PCDHA6: variants seen among roughly 807,000 people sequenced by gnomAD.
The protein encoded by PCDHA6 is protocadherin alpha 6, also known as protocadherin alpha-6.
PCDHA6 carries 55 observed loss-of-function variants against 60.3 expected under a neutral mutation model. The ratio of observed to expected loss-of-function variants is 0.91; its 90% confidence interval spans 0.73 to 1.14. The LOEUF (loss-of-function observed/expected upper bound fraction) is 1.14. PCDHA6 is among the 50% of genes most tolerant of loss of function. The pLI is 0.00. For missense variants in PCDHA6, 1,327 were observed against 1,256.5 expected, an observed-to-expected ratio of 1.06 and a Z score of -0.85; for synonymous variants, 652 against 557.9, an observed-to-expected ratio of 1.17 and a Z score of -2.38.
chr5:140,954,271 A>G (rs1284942355), intron 1 of PCDHA6, among the ~76,000 whole-genome samples: 2 of 152,140 alleles, frequency 1.3e-5, no homozygotes, highest in South Asian at 2.1e-4. Context: ...TTATAATAGG[A>G]TGATTTATAT....
chr5:140,857,428 G>T (rs782142394), intron 1 of PCDHA6: 3 of 1,598,342 alleles, frequency 1.9e-6, no homozygotes, highest in Non-Finnish European at 2.6e-6. Context: ...CCGAGTACAC[G>T]GTGTTCGTGA....
At chr5:140,967,109 C>T in intron 1 of PCDHA6, 1 of 1,612,966 alleles carries the variant, frequency 6.2e-7, no homozygotes, top group Non-Finnish European at 8.5e-7. Flanking sequence ...TGAGCAGCGG[C>T]CTCGCTGCCT....
At chr5:140,876,607 T>A in intron 1 of PCDHA6, 1 of 1,614,186 alleles carries the variant, frequency 6.2e-7, no homozygotes, top group Non-Finnish European at 8.5e-7. Context: ...GGATCGTGAC[T>A]CTGGAGCCAA....
At chr5:140,870,830 T>C in intron 1 of PCDHA6, 1 of 1,613,762 alleles carries the variant, frequency 6.2e-7, no homozygotes. Context: ...GGAGGCGCAG[T>C]TAACAAGCTA....
intron 1 of PCDHA6, among the ~76,000 whole-genome samples, chr5:140,893,419 G>A (rs2063984571): frequency 6.6e-6 from 1 of 152,158 alleles, no homozygotes; most frequent in African/African-American, 2.4e-5. Context: ...TAGGGAGGCA[G>A]AGGCAGGAAG....
chr5:140,891,040 C>A (rs2062916193), intron 1 of PCDHA6, among the ~76,000 whole-genome samples: 1 of 145,080 alleles, frequency 6.9e-6, no homozygotes, highest in Admixed American at 6.6e-5. Context: ...TTAGGTGTGA[C>A]CCCCACAGCA....
In PCDHA6 at chr5:140,830,257, G is replaced by C; in HGVS notation, c.2166G>C (p.Arg722=). The change falls in exon 1 of 4, where the codon CGG becomes CGC. Residue 722 remains arginine, a synonymous_variant. Coordinates refer to ENST00000529310, the MANE Select transcript of PCDHA6 (RefSeq NM_018909.4). ...CGCTACTGCTGTACACAGCGCTGCG[G>C]TGCTCGGCGCCACCCACCGAGGGCG... ...VLTLLLYTAL[R]CSAPPTEGAC... is the part of the protein sequence containing the mutation. 6.2e-7 allele frequency: 1 copy of C among 1,613,692 alleles called. No individual in the cohort carries two copies. The highest frequency in any genetic ancestry group is 8.5e-7 in the Non-Finnish European group (1 of 1,179,706).
intron 1 of PCDHA6, chr5:140,862,740 G>A: frequency 1.7e-6 from 1 of 577,772 alleles, no homozygotes; most frequent in South Asian, 1.4e-5. Flanking sequence ...GCTATGTGTG[G>A]GTGCACGCGG....
chr5:140,850,244 G>GTCGGT, intron 1 of PCDHA6: 1 of 1,593,676 alleles, frequency 6.3e-7, no homozygotes, highest in South Asian at 1.1e-5. Context: ...TGGTGCTGCG[G>GTCGGT]TCGGTGGGCG....
chr5:140,925,208 T>C (rs1201764361), intron 1 of PCDHA6, among the ~76,000 whole-genome samples: 2 of 152,190 alleles, frequency 1.3e-5, no homozygotes, highest in African/African-American at 4.8e-5. Context: ...TAATTATCGA[T>C]ACTTTTAGGC....
intron 1 of PCDHA6, among the ~76,000 whole-genome samples, chr5:140,898,963 G>A (rs1411271866): frequency 6.6e-6 from 1 of 152,070 alleles, no homozygotes; most frequent in Non-Finnish European, 1.5e-5. Context: ...TTGTGAATGG[G>A]AGTTCACTCA....
chr5:140,972,660 A>ATTTT (rs11350929), intron 1 of PCDHA6, among the ~76,000 whole-genome samples: 3 of 117,268 alleles, frequency 2.6e-5, no homozygotes, highest in Admixed American at 9.2e-5. Context: ...AAGAAACCAA[A>ATTTT]TTTTTTTTTT....
intron 1 of PCDHA6, among the ~76,000 whole-genome samples, chr5:140,924,166 T>C (rs1409712075): frequency 6.6e-6 from 1 of 152,232 alleles, no homozygotes; most frequent in African/African-American, 2.4e-5. Flanking sequence ...TCCTAATCTC[T>C]GGCACTGAAG....
At position 140,851,423 on chromosome 5, in the gene PCDHA6, A is replaced by T. The variant is rs967768563; in HGVS notation, c.2394+20938A>T. 1.1e-5 allele frequency: 10 copies of T among 949,488 alleles called. 1 individual carries two copies. Among genetic ancestry groups the T allele is most frequent in the Non-Finnish European group, 1.3e-5 (10 of 784,130 alleles). 58.8% of individuals were successfully genotyped at this position (949,488 alleles called of 1,614,324 possible). On this transcript the variant is annotated intron_variant, in intron 1 of 3. Coordinates refer to ENST00000529310, the MANE Select transcript of PCDHA6 (RefSeq NM_018909.4). ...TTAATAAGAAAGAAACTTCCCCTAA[A>T]CTTTAGAAAACAGTTGCTCCACTTT...
rs782065777 is a variant in PCDHA6, at chr5:140,876,365, A to G, written c.2394+45880A>G. Reference sequence around the variant, plus strand: ...AAATGTATGTTTTCAATAAATCCAGACACAGGTGAAATTAGAATTTATGGT... The same window carrying G: ...AAATGTATGTTTTCAATAAATCCAGGCACAGGTGAAATTAGAATTTATGGT... On this transcript the variant is annotated intron_variant, in intron 1 of 3. Coordinates refer to ENST00000529310, the MANE Select transcript of PCDHA6 (RefSeq NM_018909.4). 60 of 1,613,862 alleles carry G rather than the reference A, an allele frequency of 3.7e-5. 2 individuals carry two copies. In the South Asian group the frequency reaches 6.5e-4, roughly 17 times the overall value.
At chr5:140,846,097 A>T (rs1554141144) in intron 1 of PCDHA6, among the ~76,000 whole-genome samples, 4 of 149,760 alleles carry the variant, frequency 2.7e-5, no homozygotes, top group Non-Finnish European at 1.5e-5. Flanking sequence ...CCTTCCAAGG[A>T]ATGTGTAGAC....
chr5:140,868,731 G>A (rs1002022928), intron 1 of PCDHA6: 2 of 192,996 alleles, frequency 1.0e-5, no homozygotes, highest in South Asian at 1.2e-4. Context: ...GATGTTAATC[G>A]AGAAATACAA....
intron 1 of PCDHA6, chr5:140,884,310 G>C (rs1562802595): frequency 1.2e-6 from 2 of 1,613,792 alleles, no homozygotes; most frequent in African/African-American, 2.7e-5. Context: ...GCTTCGTCGA[G>C]GGCGTCGGCA....
chr5:140,904,423 T>TTA (rs1304104435), intron 1 of PCDHA6, among the ~76,000 whole-genome samples: 1 of 151,090 alleles, frequency 6.6e-6, no homozygotes. Flanking sequence ...TACATATATT[T>TTA]TATATATATG....
Sources: allele counts gnomAD v4.1 joint callset (sites outside exome capture counted in the v4.1 genomes callset), GRCh38; gene constraint gnomAD v4.1.1; transcripts MANE v1.5; gene names NCBI Gene and HGNC (gene_info 2026-07-23, HGNC 2026-07-21).